Variants in MYLK observed in about 807,000 individuals in gnomAD.
MYLK encodes the protein myosin light chain kinase, also known as myosin light chain kinase, smooth muscle.
In MYLK, 106 loss-of-function variants were observed where a neutral mutation model predicts 203.4. That is an observed-to-expected ratio of 0.52 (90% CI 0.45 to 0.61). The LOEUF (loss-of-function observed/expected upper bound fraction) is 0.61, where lower values mean the gene tolerates loss of function less well. MYLK is among the 20% of genes least tolerant of loss of function. The probability of loss-of-function intolerance (pLI) is 0.00; values close to 1 mark genes in which losing one functional copy is unlikely to be tolerated. For synonymous variants in MYLK, 867 were observed against 959.5 expected (o/e 0.90, Z 1.78); for missense variants, 2,072 against 2,442.3 (o/e 0.85, Z 3.20).
chr3:123,880,083 A>G (rs1334912803), intron 1 of MYLK, among the ~76,000 whole-genome samples: 1 of 152,204 alleles, frequency 6.6e-6, no homozygotes, highest in East Asian at 1.9e-4. Flanking sequence ...AATAAAAGCT[A>G]TTCTTTGTTT....
At chr3:123,806,216 G>A (rs1321106266) in intron 3 of MYLK, among the ~76,000 whole-genome samples, 1 of 152,220 alleles carries the variant, frequency 6.6e-6, no homozygotes, top group East Asian at 1.9e-4. Context: ...TGGCTGGATT[G>A]CAGAATGTCA....
intron 23 of MYLK, among the ~76,000 whole-genome samples, chr3:123,661,866 T>C (rs2108305415): frequency 6.6e-6 from 1 of 152,262 alleles, no homozygotes; most frequent in East Asian, 1.9e-4. Context: ...CAGTACTTCC[T>C]CTCTGGGGAG....
In MYLK at chr3:123,648,766, G is replaced by A. The variant is rs1236787059; in HGVS notation, c.4415+205C>T. Among the ~76,000 whole-genome samples, 7 of 152,138 alleles carry A rather than the reference G, an allele frequency of 4.6e-5. No individual in the cohort carries two copies. The highest frequency in any genetic ancestry group is 7.3e-5 in the Non-Finnish European group (5 of 68,030). On this transcript the variant is annotated intron_variant, in intron 26 of 33. Transcript: ENST00000360304. The surrounding 1 kb of genome is among the most constrained non-coding windows in gnomAD (Gnocchi z 4.5). ...ACAGCCTTTGCAGAGTTGGGGCAGTGTAGGACCGCATGGGCAACTCTGCAG... is the reference window on the plus strand; with the variant it reads ...ACAGCCTTTGCAGAGTTGGGGCAGTATAGGACCGCATGGGCAACTCTGCAG...
intron 4 of MYLK, among the ~76,000 whole-genome samples, chr3:123,770,637 T>G (rs1410350066): frequency 6.6e-6 from 1 of 152,214 alleles, no homozygotes; most frequent in Non-Finnish European, 1.5e-5. Context: ...AGTGCCCGGC[T>G]GGCACCTGGT....
At chr3:123,667,762 A>G (rs1027515272) in intron 20 of MYLK, among the ~76,000 whole-genome samples, 1 of 152,142 alleles carries the variant, frequency 6.6e-6, no homozygotes, top group Non-Finnish European at 1.5e-5. Flanking sequence ...ACTCTCTAAA[A>G]TGCTCGTGCT....
rs1331778846 is a variant in MYLK at position 123,613,673 on chromosome 3, G to A, written c.*432C>T. ...TACTGGGAGAAAACCCAGTTCTCTA[G>A]AGTCAGGGGGTGGGGAGAGAGAGGC... is the stretch of plus-strand genomic sequence containing the variant. On this transcript the variant is annotated 3_prime_UTR_variant, in exon 34 of 34. Transcript: ENST00000360304. The A allele has an allele frequency of 4.7e-6, 1 of 214,190 alleles. No homozygotes were observed. Among genetic ancestry groups the A allele is most frequent in the Non-Finnish European group, 9.4e-6 (1 of 106,518 alleles). The allele number at this position is 214,190 out of a possible 1,614,324, so 13.3% of individuals were successfully genotyped here.
intron 30 of MYLK, among the ~76,000 whole-genome samples, chr3:123,628,437 G>A (rs536517141): frequency 2.8e-4 from 43 of 152,232 alleles, no homozygotes; most frequent in Middle Eastern, 3.4e-3. Context: ...TCTCTAGCAC[G>A]CCACCCATGT....
chr3:123,662,991 C>T (rs189350673), intron 23 of MYLK, among the ~76,000 whole-genome samples: 12 of 152,294 alleles, frequency 7.9e-5, no homozygotes, highest in South Asian at 2.1e-4. Flanking sequence ...GCTCGGGTCT[C>T]GTGCACATAT....
intron 26 of MYLK, among the ~76,000 whole-genome samples, chr3:123,647,815 G>C (rs1008984770): frequency 6.6e-6 from 1 of 151,864 alleles, no homozygotes; most frequent in African/African-American, 2.4e-5. Flanking sequence ...GCCTCCCAAA[G>C]TGCTGAGATT....
At chr3:123,710,576 C>T (rs187458885) in intron 13 of MYLK, among the ~76,000 whole-genome samples, 1 of 152,296 alleles carries the variant, frequency 6.6e-6, no homozygotes, top group Non-Finnish European at 1.5e-5. Context: ...GACATCACAT[C>T]CCAGGAATTG....
At chr3:123,710,028 T>C in intron 13 of MYLK, 135 bp from the exon 14 acceptor site, 1 of 1,170,696 alleles carries the variant, frequency 8.5e-7, no homozygotes, top group South Asian at 1.2e-5. Context: ...AGATAAAGAG[T>C]GTTTGGAGTT....
At chr3:123,875,116 A>G (rs1379893004) in intron 2 of MYLK, among the ~76,000 whole-genome samples, 1 of 152,186 alleles carries the variant, frequency 6.6e-6, no homozygotes, top group African/African-American at 2.4e-5. Context: ...CCAATCCTAG[A>G]TATTTACCCA....
intron 13 of MYLK, among the ~76,000 whole-genome samples, chr3:123,718,603 C>T (rs1047186846): frequency 1.3e-5 from 2 of 152,194 alleles, no homozygotes; most frequent in African/African-American, 4.8e-5. Context: ...CTTGCACTTG[C>T]TGTGCTGCCC....
At chr3:123,879,417 C>A (rs2033373961) in intron 1 of MYLK, among the ~76,000 whole-genome samples, 1 of 152,092 alleles carries the variant, frequency 6.6e-6, no homozygotes. Flanking sequence ...TTCCTGCCTT[C>A]CTCTCTCCTG....
chr3:123,805,488 T>G (rs1372678019), intron 3 of MYLK, among the ~76,000 whole-genome samples: 1 of 145,414 alleles, frequency 6.9e-6, no homozygotes, highest in Non-Finnish European at 1.6e-5. Context: ...CATAAAAATC[T>G]AGGGTTTTTT....
Position 123,659,711 on chromosome 3 carries a change from G to A in MYLK, c.3986-2283C>T, listed in dbSNP as rs751959509. On this transcript the variant is annotated intron_variant, in intron 23 of 33. Transcript: ENST00000360304. ...TCTCAGAAAAGAACAGATGTCCTTAGAACAGGGAGCTCCTGTGAGCTTGTC... is the reference window on the plus strand; with the variant it reads ...TCTCAGAAAAGAACAGATGTCCTTAAAACAGGGAGCTCCTGTGAGCTTGTC... The A allele has an allele frequency of 9.7e-6, 5 of 518,012 alleles. No homozygotes were observed. In the East Asian group the frequency reaches 2.2e-4, roughly 23 times the overall value. 32.1% of individuals were successfully genotyped at this position (518,012 alleles called of 1,614,324 possible).
At chr3:123,798,664 G>C (rs1433123185) in intron 3 of MYLK, among the ~76,000 whole-genome samples, 1 of 152,092 alleles carries the variant, frequency 6.6e-6, no homozygotes, top group Non-Finnish European at 1.5e-5. Context: ...GGTTAGAAAA[G>C]GAACACGCAA....
At chr3:123,849,095 C>G (rs559721090) in intron 2 of MYLK, among the ~76,000 whole-genome samples, 1 of 152,202 alleles carries the variant, frequency 6.6e-6, no homozygotes, top group Non-Finnish European at 1.5e-5. Flanking sequence ...CCCACCTCAG[C>G]CTACTGAGTA....
chr3:123,883,972 G>C (rs563259065), intron 1 of MYLK, among the ~76,000 whole-genome samples: 1 of 152,228 alleles, frequency 6.6e-6, no homozygotes, highest in South Asian at 2.1e-4. Context: ...AAAGGCAATC[G>C]CATCAGTGTC....
Sources: allele counts gnomAD v4.1 joint callset (sites outside exome capture counted in the v4.1 genomes callset), GRCh38; gene constraint gnomAD v4.1.1; non-coding constraint Gnocchi (gnomAD v3.1); transcripts MANE v1.5; gene names NCBI Gene and HGNC (gene_info 2026-07-23, HGNC 2026-07-21).